The following MYLK4 variants were observed in gnomAD, a reference collection of about 807,000 sequenced individuals.
MYLK4 encodes the protein caMLCK like.
A neutral mutation model predicts 48.1 loss-of-function variants in MYLK4; 46 were observed. That is an observed-to-expected ratio of 0.96 (90% CI 0.75 to 1.22). The LOEUF is 1.22. MYLK4 is among the 50% of genes most tolerant of loss of function. MYLK4 has a pLI of 0.00. For missense variants in MYLK4, 451 were observed against 486.1 expected, an observed-to-expected ratio of 0.93 and a Z score of 0.68; for synonymous variants, 170 against 180.8, an observed-to-expected ratio of 0.94 and a Z score of 0.48.
At chr6:2,755,807 TA>T (rs1366900416), upstream of MYLK4, among the ~76,000 whole-genome samples, 4 of 152,222 alleles carry the variant, frequency 2.6e-5, no homozygotes, top group Non-Finnish European at 5.9e-5. Context: ...AATTGTTTCA[TA>T]AAATGTCTCT....
At position 2,749,339 on chromosome 6, in the gene MYLK4, C is replaced by T. The variant is rs753872501; in HGVS notation, c.-45G>A. On this transcript the variant is annotated 5_prime_UTR_variant, in exon 2 of 13. Coordinates refer to ENST00000274643, the MANE Select transcript of MYLK4 (RefSeq NM_001012418.5). The stretch of plus-strand genomic sequence containing the variant: ...AAGCTACTTTCTGGAGTGTGGTTTT[C>T]GTCTCCCTCTGTCTCCGATTTATAA... 1.6e-5 allele frequency: 24 copies of T among 1,524,796 alleles called. No individual in the cohort carries two copies. The highest frequency in any genetic ancestry group is 8.8e-5 in the Admixed American group (5 of 56,912). The allele number at this position is 1,524,796 out of a possible 1,614,324, so 94.5% of individuals were successfully genotyped here. A position where few individuals can be genotyped will look rare whatever the true frequency, so the allele number is the denominator to read the frequency against.
At chr6:2,679,618 A>C (rs1761218335) in intron 8 of MYLK4, 1 of 671,148 alleles carries the variant, frequency 1.5e-6, no homozygotes, top group Non-Finnish European at 2.6e-6. Context: ...ATACTAGGAA[A>C]CCTTAAAAGC....
chr6:2,694,638 A>G (rs1367988123), intron 2 of MYLK4, among the ~76,000 whole-genome samples: 1 of 51,802 alleles, frequency 1.9e-5, no homozygotes, highest in Admixed American at 2.4e-4. Flanking sequence ...TGTAGTGGTG[A>G]TGGTGACGGT....
Sources: allele counts gnomAD v4.1 joint callset (sites outside exome capture counted in the v4.1 genomes callset), GRCh38; gene constraint gnomAD v4.1.1; transcripts MANE v1.5; gene names NCBI Gene and HGNC (gene_info 2026-07-23, HGNC 2026-07-21).